Variants in PEAK1 observed in about 807,000 individuals in gnomAD.
The protein encoded by PEAK1 is inactive tyrosine-protein kinase PEAK1.
In PEAK1, 54 loss-of-function variants were observed where a neutral mutation model predicts 124.7. The observed-to-expected ratio is 0.43, with a 90% CI of 0.35 to 0.54. The LOEUF is 0.54. Among genes scored for constraint, PEAK1 ranks in the 20% least tolerant of loss-of-function variants. The pLI is 0.01. For synonymous variants in PEAK1, 719 were observed against 760.0 expected, an observed-to-expected ratio of 0.95 and a Z score of 0.89; for missense variants, 2,046 against 2,134.5, an observed-to-expected ratio of 0.96 and a Z score of 0.82.
At chr15:77,292,931 CA>C (rs1467783946) in intron 2 of PEAK1, among the ~76,000 whole-genome samples, 1 of 152,140 alleles carries the variant, frequency 6.6e-6, no homozygotes, top group Non-Finnish European at 1.5e-5. Flanking sequence ...CTCCACTTGG[CA>C]CAATGAATAC....
At chr15:77,129,600 TA>T (rs1218512888) in intron 9 of PEAK1, among the ~76,000 whole-genome samples, 39 of 74,266 alleles carry the variant, frequency 5.3e-4, no homozygotes, top group South Asian at 1.1e-3. Context: ...AATGACTGGC[TA>T]TTTTTTTTTT....
rs376563390 is a variant in PEAK1, at chr15:77,181,013, C to T, written c.914G>A (p.Cys305Tyr). Residue 305 changes from cysteine to tyrosine, a missense_variant, in exon 7 of 10, where the codon TGT becomes TAT. Coordinates refer to ENST00000682557, the MANE Select transcript of PEAK1 (RefSeq NM_001385026.1). ...PLRNKSLQRI[C>Y]AVDYDDSYDE... ...ATAGCTGTCATCATAGTCCACAGCA[C>T]AGATTCTCTGCAGAGACTTGTTTCG... is the stretch of plus-strand genomic sequence containing the variant. 1.2e-6 allele frequency: 2 copies of T among 1,614,204 alleles called. No homozygotes were observed. Among genetic ancestry groups the T allele is most frequent in the Non-Finnish European group, 1.7e-6 (2 of 1,180,028 alleles).
intron 6 of PEAK1, among the ~76,000 whole-genome samples, chr15:77,203,742 T>A (rs1320732343): frequency 6.6e-6 from 1 of 151,514 alleles, no homozygotes; most frequent in Non-Finnish European, 1.5e-5. Flanking sequence ...ATACAGATAC[T>A]ATATCCTTCA....
chr15:77,316,890 C>A (rs932095619), intron 2 of PEAK1, among the ~76,000 whole-genome samples: 2 of 151,974 alleles, frequency 1.3e-5, no homozygotes, highest in Admixed American at 1.3e-4. Context: ...CCTGCCTGGC[C>A]GACATGGCAA....
At chr15:77,370,979 G>T in intron 1 of PEAK1, 1 of 653,144 alleles carries the variant, frequency 1.5e-6, no homozygotes, top group Non-Finnish European at 1.9e-6. Context: ...GCAGTGAGCT[G>T]AGATTGCGCC....
At chr15:77,343,775 C>T (rs933142149) in intron 2 of PEAK1, among the ~76,000 whole-genome samples, 1 of 152,044 alleles carries the variant, frequency 6.6e-6, no homozygotes, top group Non-Finnish European at 1.5e-5. Context: ...TGTGAGAAAC[C>T]GCGCCGGCCT....
intron 5 of PEAK1, among the ~76,000 whole-genome samples, chr15:77,255,900 C>T (rs1461096072): frequency 6.6e-6 from 1 of 152,068 alleles, no homozygotes; most frequent in Admixed American, 6.6e-5. Flanking sequence ...AGAAAATATG[C>T]TTTGAAATGT....
At chr15:77,353,989 T>G (rs988464717) in intron 2 of PEAK1, among the ~76,000 whole-genome samples, 4 of 152,158 alleles carry the variant, frequency 2.6e-5, no homozygotes, top group Admixed American at 1.3e-4. Flanking sequence ...TCTGCACTTG[T>G]CCACTAAATC....
intron 6 of PEAK1, among the ~76,000 whole-genome samples, chr15:77,231,521 C>T (rs535850906): frequency 6.6e-6 from 1 of 152,188 alleles, no homozygotes; most frequent in East Asian, 1.9e-4. Context: ...AGGTATAACT[C>T]AGGTAATTAA....
chr15:77,352,942 C>T, intron 2 of PEAK1: 1 of 985,334 alleles, frequency 1.0e-6, no homozygotes, highest in Non-Finnish European at 1.2e-6. Flanking sequence ...TATTGTACTG[C>T]TCTTCTCATT....
intron 7 of PEAK1, among the ~76,000 whole-genome samples, chr15:77,166,669 C>T (rs2056122482): frequency 6.6e-6 from 1 of 152,214 alleles, no homozygotes; most frequent in Admixed American, 6.5e-5. Context: ...GATTAAGTTA[C>T]TTGCTTCAGG....
At chr15:77,206,047 A>G (rs1192652842) in intron 6 of PEAK1, among the ~76,000 whole-genome samples, 16 of 122,458 alleles carry the variant, frequency 1.3e-4, no homozygotes, top group Admixed American at 4.3e-4. Context: ...TCATTGTTCA[A>G]TTCCCACCTA....
chr15:77,397,043 A>G (rs930144183), intron 1 of PEAK1, among the ~76,000 whole-genome samples: 1 of 152,238 alleles, frequency 6.6e-6, no homozygotes, highest in Non-Finnish European at 1.5e-5. Flanking sequence ...ATTCTCAAGG[A>G]TAGGTCATAT....
chr15:77,125,793 C>T (rs1324194450), intron 9 of PEAK1, among the ~76,000 whole-genome samples: 1 of 152,212 alleles, frequency 6.6e-6, no homozygotes, highest in Non-Finnish European at 1.5e-5. Context: ...GGCCTTACTG[C>T]CAGTCATTCT....
In PEAK1 at chr15:77,180,908, T is replaced by A. The variant is rs747340666; in HGVS notation, c.1019A>T (p.Asp340Val). ...TAAAGAAGAATCTGGTGATGTGGAG[T>A]CAGATGACACCATGCTCTGAATGCT... is the stretch of plus-strand genomic sequence containing the variant. ...QGSIQSMVSS[D>V]STSPDSSLTE... Residue 340 changes from aspartate to valine, a missense_variant, in exon 7 of 10, where the codon GAC (aspartate) becomes GTC (valine). Coordinates refer to ENST00000682557, the MANE Select transcript of PEAK1 (RefSeq NM_001385026.1). 6.2e-7 allele frequency: 1 copy of A among 1,613,930 alleles called. No individual in the cohort carries two copies. Among genetic ancestry groups the A allele is most frequent in the African/African-American group, 1.3e-5 (1 of 74,916 alleles).
chr15:77,346,625 C>G, intron 2 of PEAK1: 5 of 985,222 alleles, frequency 5.1e-6, no homozygotes, highest in Non-Finnish European at 6.0e-6. Flanking sequence ...GGAGACAAAA[C>G]AGCGAAGAAA....
chr15:77,247,566 G>A (rs2060655210), intron 6 of PEAK1, among the ~76,000 whole-genome samples: 2 of 130,516 alleles, frequency 1.5e-5, no homozygotes, highest in African/African-American at 2.9e-5. Flanking sequence ...TCCACCTCCT[G>A]GGTTCGAGAG....
chr15:77,157,495 A>G (rs2055258641), intron 8 of PEAK1: 1 of 152,296 alleles, frequency 6.6e-6, no homozygotes, highest in African/African-American at 2.4e-5. Context: ...AGTGAAGATG[A>G]TCAGAGAATT....
At chr15:77,345,743 T>C (rs956739162) in intron 2 of PEAK1, 1 of 272,364 alleles carries the variant, frequency 3.7e-6, no homozygotes, top group Non-Finnish European at 5.6e-6. Context: ...TAATTTTTTT[T>C]GTATTCCCAA....
Sources: gnomAD v4.1 joint callset for allele counts (sites outside exome capture counted in the v4.1 genomes callset) on GRCh38, gnomAD v4.1.1 for gene constraint, MANE v1.5 for transcripts, NCBI Gene and HGNC (gene_info 2026-07-23, HGNC 2026-07-21) for gene names.